PARD3B: variants seen among roughly 807,000 people sequenced by gnomAD.
The protein encoded by PARD3B is par-3 family cell polarity regulator beta.
Under a neutral mutation model 130.2 loss-of-function variants are expected in PARD3B, and 103 were observed. The ratio of observed to expected loss-of-function variants is 0.79; its 90% CI spans 0.67 to 0.93. PARD3B has a LOEUF of 0.93. Ranked by LOEUF, PARD3B falls within the 40% of genes least tolerant of loss-of-function variation. PARD3B has a pLI of 0.00. For missense variants in PARD3B, 1,609 were observed against 1,499.2 expected (o/e 1.07, Z -1.21); for synonymous variants, 583 against 553.2 (o/e 1.05, Z -0.76).
rs897462512 is a variant in PARD3B at position 205,530,764 on chromosome 2, T to G, written c.3181-22560T>G. On this transcript the variant is annotated intron_variant, in intron 21 of 22. Transcript: ENST00000406610. This position sits in a 1 kb window ranked among gnomAD's most constrained non-coding sequence, Gnocchi z 4.7. ...GAGGACTAAAGCAATGAAAAATATC[T>G]TCCTGGATTGGCCACACAGATACTC... is the stretch of plus-strand genomic sequence containing the variant. 3.3e-5 allele frequency among the ~76,000 whole-genome samples: 5 copies of G among 152,120 alleles called. No homozygotes were observed. The highest frequency in any genetic ancestry group is 1.2e-4 in the African/African-American group (5 of 41,380).
At chr2:204,916,723 C>T (rs1055807881) in intron 2 of PARD3B, among the ~76,000 whole-genome samples, 1 of 151,890 alleles carries the variant, frequency 6.6e-6, no homozygotes, top group Non-Finnish European at 1.5e-5. Flanking sequence ...ATGGAGTTCC[C>T]TTAATGAGCA....
Position 204,965,199 on chromosome 2 carries a change from C to A in PARD3B, c.270C>A (p.Ser90Arg). The A allele has an allele frequency of 6.2e-7, 1 of 1,613,860 alleles. No individual in the cohort carries two copies. The highest frequency in any genetic ancestry group is 1.1e-5 in the South Asian group (1 of 91,074). ...AAGAACCACTCCACAAGATTGAGAG[C>A]CCCAGTGGAAACCCTGCAGATCGGC... is the stretch of plus-strand genomic sequence containing the variant. Reference protein sequence around the residue: ...EEQEPLHKIESPSGNPADRQS... With the variant: ...EEQEPLHKIERPSGNPADRQS... Residue 90 changes from serine (S) to arginine (R), a missense_variant, in exon 3 of 23, where the codon AGC becomes AGA. Transcript: ENST00000406610.
intron 18 of PARD3B, among the ~76,000 whole-genome samples, chr2:205,372,100 T>A (rs1480053464): frequency 6.6e-6 from 1 of 152,220 alleles, no homozygotes; most frequent in African/African-American, 2.4e-5. Flanking sequence ...TTGTCTATTG[T>A]AAATAATAAT....
intron 22 of PARD3B, among the ~76,000 whole-genome samples, chr2:205,599,417 C>G (rs2054696319): frequency 1.3e-5 from 2 of 152,128 alleles, no homozygotes; most frequent in African/African-American, 4.8e-5. Flanking sequence ...ATTATCATGC[C>G]AGTGGTCTCA....
chr2:205,560,477 C>CTGTTT (rs111412160), intron 22 of PARD3B, among the ~76,000 whole-genome samples: 145,396 of 152,084 alleles, frequency 0.96, 69,820 homozygotes, highest in East Asian at 1. Context: ...AAAGAGAATC[C>CTGTTT]TGTTAGAACA....
At chr2:205,129,389 G>A (rs986465380) in intron 10 of PARD3B, among the ~76,000 whole-genome samples, 1 of 152,214 alleles carries the variant, frequency 6.6e-6, no homozygotes, top group East Asian at 1.9e-4. Flanking sequence ...TTCATAGTGT[G>A]GCATACACCG....
chr2:205,520,254 C>T (rs990757963), intron 21 of PARD3B, among the ~76,000 whole-genome samples: 2 of 152,196 alleles, frequency 1.3e-5, no homozygotes, highest in Admixed American at 1.3e-4. Flanking sequence ...GCTGCAAGCC[C>T]AAGCCAGGGA....
At chr2:205,552,959 A>T (rs767846045) in intron 21 of PARD3B, among the ~76,000 whole-genome samples, 1 of 152,192 alleles carries the variant, frequency 6.6e-6, no homozygotes, top group African/African-American at 2.4e-5. Context: ...GGAAGTCTCT[A>T]TACTACCTGT....
At chr2:205,439,179 G>T (rs1347028059) in intron 19 of PARD3B, among the ~76,000 whole-genome samples, 1 of 152,032 alleles carries the variant, frequency 6.6e-6, no homozygotes, top group Non-Finnish European at 1.5e-5. Flanking sequence ...GATACTGATG[G>T]GTTTCAGTTG....
chr2:205,555,081 A>G (rs2052819504), intron 22 of PARD3B, among the ~76,000 whole-genome samples: 1 of 152,216 alleles, frequency 6.6e-6, no homozygotes, highest in Admixed American at 6.5e-5. Context: ...GTTGAAGTAT[A>G]TGGAAATTGT....
chr2:204,603,380 A>G (rs2033590566), intron 1 of PARD3B, among the ~76,000 whole-genome samples: 1 of 152,104 alleles, frequency 6.6e-6, no homozygotes, highest in Non-Finnish European at 1.5e-5. Flanking sequence ...GTATTATTTC[A>G]GGAATCCTCA....
intron 1 of PARD3B, among the ~76,000 whole-genome samples, chr2:204,578,697 G>A (rs1344339242): frequency 3.3e-5 from 5 of 152,090 alleles, no homozygotes; most frequent in Non-Finnish European, 7.4e-5. Context: ...TTCAAATGGT[G>A]TCTTTGAAGT....
rs142221212 is a variant in PARD3B at position 204,804,469 on chromosome 2, C to G, written c.222+118187C>G. Among the ~76,000 whole-genome samples, 13 of 152,148 alleles carry G rather than the reference C, an allele frequency of 8.5e-5. No homozygotes were observed. In the East Asian group the frequency reaches 2.5e-3, roughly 29 times the overall value. Reference sequence around the variant, plus strand: ...TATCACAGTTGTAAATATACATGCACCCAACAGTGGAGCACCCGGATATAT... The same window carrying G: ...TATCACAGTTGTAAATATACATGCAGCCAACAGTGGAGCACCCGGATATAT... On this transcript the variant is annotated intron_variant, in intron 2 of 22. Transcript: ENST00000406610.
In PARD3B at chr2:205,325,022, G is replaced by A. The variant is rs1214439776; in HGVS notation, c.2630+23321G>A. Among the ~76,000 whole-genome samples, 1 of 152,098 alleles carries A rather than the reference G, an allele frequency of 6.6e-6. No individual in the cohort carries two copies. Among genetic ancestry groups the A allele is most frequent in the Non-Finnish European group, 1.5e-5 (1 of 68,028 alleles). ...AAGTTCCACAAATTCTACTCTCTAAGAATCTAAATTCTCTCTCCATCTTCA... is the reference window on the plus strand; with the variant it reads ...AAGTTCCACAAATTCTACTCTCTAAAAATCTAAATTCTCTCTCCATCTTCA... On this transcript the variant is annotated intron_variant, in intron 18 of 22. Transcript: ENST00000406610. The surrounding 1 kb of genome is among the most constrained non-coding windows in gnomAD (Gnocchi z 4.1).
intron 12 of PARD3B, among the ~76,000 whole-genome samples, chr2:205,174,042 A>G (rs2035325394): frequency 6.6e-6 from 1 of 152,226 alleles, no homozygotes. Flanking sequence ...GCAGATAGCA[A>G]AAGTTAAAAA....
At chr2:204,858,731 C>A (rs1042097832) in intron 2 of PARD3B, among the ~76,000 whole-genome samples, 2 of 148,692 alleles carry the variant, frequency 1.3e-5, no homozygotes, top group African/African-American at 4.9e-5. Context: ...TGTTCTACAA[C>A]AGTAACAGTT....
chr2:204,771,916 G>A (rs1442020819), intron 2 of PARD3B, among the ~76,000 whole-genome samples: 3 of 151,796 alleles, frequency 2.0e-5, no homozygotes, highest in African/African-American at 7.3e-5. Context: ...TTAATATGCT[G>A]GAAAGACAAA....
chr2:204,921,520 G>T (rs1409315925), intron 2 of PARD3B, among the ~76,000 whole-genome samples: 1 of 150,664 alleles, frequency 6.6e-6, no homozygotes, highest in African/African-American at 2.4e-5. Context: ...TTGACAATTA[G>T]AGTAGGGTGG....
intron 15 of PARD3B, 126 bp from the exon 16 acceptor site, chr2:205,245,652 A>C (rs780714578): frequency 8.6e-5 from 60 of 698,820 alleles, no homozygotes; most frequent in Non-Finnish European, 1.1e-4. Context: ...TGGGAGAAAA[A>C]AATGTTTCTC....
Sources: gnomAD v4.1 joint callset for allele counts (sites outside exome capture counted in the v4.1 genomes callset) on GRCh38, gnomAD v4.1.1 for gene constraint, Gnocchi (gnomAD v3.1) non-coding constraint, MANE v1.5 for transcripts, NCBI Gene and HGNC (gene_info 2026-07-23, HGNC 2026-07-21) for gene names.